NELL1: variants seen among roughly 807,000 people sequenced by gnomAD.
NELL1 encodes neural EGFL like 1, also known as protein kinase C-binding protein NELL1.
In NELL1, 76 loss-of-function variants were observed where a neutral mutation model predicts 107.4. That is an observed-to-expected ratio of 0.71 (90% CI 0.59 to 0.86). The LOEUF is 0.86. NELL1 is among the 40% of genes least tolerant of loss of function. NELL1 has a pLI of 0.00. For missense variants in NELL1, 1,024 were observed against 1,005.5 expected, an observed-to-expected ratio of 1.02 and a Z score of -0.25; for synonymous variants, 353 against 341.2, an observed-to-expected ratio of 1.03 and a Z score of -0.38.
At chr11:21,503,987 G>C (rs191275365) in intron 15 of NELL1, 28 of 152,240 alleles carry the variant, frequency 1.8e-4, no homozygotes, top group Admixed American at 1.5e-3. Context: ...TCCAGTGCTA[G>C]ATCCAGGAAC....
intron 15 of NELL1, among the ~76,000 whole-genome samples, chr11:21,463,536 G>A (rs1274799423): frequency 1.3e-5 from 2 of 152,020 alleles, no homozygotes; most frequent in Non-Finnish European, 2.9e-5. Flanking sequence ...AAGGTTCCTT[G>A]TTTCCAAACC....
intron 2 of NELL1, among the ~76,000 whole-genome samples, chr11:20,724,223 C>G (rs1440331313): frequency 6.6e-6 from 1 of 152,260 alleles, no homozygotes; most frequent in South Asian, 2.1e-4. Context: ...AGTTAACATT[C>G]AGCTCCTTGT....
chr11:21,411,773 T>C (rs575978007), intron 15 of NELL1, among the ~76,000 whole-genome samples: 1 of 152,110 alleles, frequency 6.6e-6, no homozygotes, highest in East Asian at 1.9e-4. Flanking sequence ...GTGAGGTGAA[T>C]GATTCAGTAG....
At chr11:20,770,407 G>A (rs1026315304) in intron 2 of NELL1, among the ~76,000 whole-genome samples, 1 of 152,156 alleles carries the variant, frequency 6.6e-6, no homozygotes, top group African/African-American at 2.4e-5. Context: ...CCCTTTTCTG[G>A]ACAGATGCAC....
At chr11:20,686,469 C>T (rs182529334) in intron 2 of NELL1, among the ~76,000 whole-genome samples, 5 of 152,168 alleles carry the variant, frequency 3.3e-5, no homozygotes, top group East Asian at 1.9e-4. Context: ...AAGAATGATT[C>T]GTGAATCAGG....
At position 21,529,179 on chromosome 11, in the gene NELL1, T is replaced by C. The variant is rs561370561; in HGVS notation, c.1646-5195T>C. Among the ~76,000 whole-genome samples, 6 of 152,300 alleles carry C rather than the reference T, an allele frequency of 3.9e-5. No individual in the cohort carries two copies. The South Asian group carries it at 1.2e-3, about 32-fold the overall frequency. On this transcript the variant is annotated intron_variant, in intron 15 of 19. Coordinates refer to ENST00000357134, the MANE Select transcript of NELL1 (RefSeq NM_006157.5). ...CAGGAAGCCAGGCAGAAAAATGTTG[T>C]ACTATTTTCAATACGTGATTTCCAA...
At chr11:20,816,687 G>A (rs1005191420) in intron 3 of NELL1, among the ~76,000 whole-genome samples, 4 of 152,164 alleles carry the variant, frequency 2.6e-5, no homozygotes, top group Non-Finnish European at 5.9e-5. Flanking sequence ...TTGAATAGGA[G>A]TGGTAAGCAT....
chr11:21,004,372 ATAAAG>A (rs1852286344), intron 12 of NELL1, among the ~76,000 whole-genome samples: 1 of 152,134 alleles, frequency 6.6e-6, no homozygotes. Context: ...ATTTTAAATT[ATAAAG>A]TATTTTTGTT....
At chr11:21,482,283 C>T (rs925047442) in intron 15 of NELL1, among the ~76,000 whole-genome samples, 7 of 152,142 alleles carry the variant, frequency 4.6e-5, no homozygotes, top group African/African-American at 1.7e-4. Flanking sequence ...ACAGACCCCA[C>T]GCTTTTATGT....
chr11:20,994,922 T>C (rs1374556107), intron 12 of NELL1, among the ~76,000 whole-genome samples: 4 of 152,210 alleles, frequency 2.6e-5, no homozygotes, highest in African/African-American at 9.6e-5. Context: ...CAATCAGGTC[T>C]TGTTTTAACA....
chr11:21,200,965 C>T (rs1030219903), intron 13 of NELL1, among the ~76,000 whole-genome samples: 1 of 152,010 alleles, frequency 6.6e-6, no homozygotes, highest in Non-Finnish European at 1.5e-5. Context: ...ATTTCTGAGG[C>T]CTCTGTTCTG....
intron 13 of NELL1, among the ~76,000 whole-genome samples, chr11:21,205,243 G>C (rs1213463826): frequency 6.6e-6 from 1 of 152,186 alleles, no homozygotes; most frequent in Non-Finnish European, 1.5e-5. Context: ...CTCTGTCCCA[G>C]GGAGATGGGG....
chr11:21,351,373 A>G (rs1226234701), intron 14 of NELL1, among the ~76,000 whole-genome samples: 1 of 152,066 alleles, frequency 6.6e-6, no homozygotes, highest in Non-Finnish European at 1.5e-5. Flanking sequence ...GGGACTGGAG[A>G]TGGTCATCAG....
At chr11:21,232,159 A>ATATATATATATATATATATAT (rs1270859097) in intron 14 of NELL1, among the ~76,000 whole-genome samples, 4 of 73,200 alleles carry the variant, frequency 5.5e-5, no homozygotes, top group African/African-American at 1.5e-4. Flanking sequence ...AAAAAAAAAA[A>ATATATATATATATATATATAT]ATATATATAT....
intron 13 of NELL1, among the ~76,000 whole-genome samples, chr11:21,123,997 C>T (rs1855431182): frequency 6.6e-6 from 1 of 152,220 alleles, no homozygotes; most frequent in African/African-American, 2.4e-5. Context: ...TATGCACATA[C>T]ACATGCAAGC....
chr11:21,300,067 G>A (rs758537201), intron 14 of NELL1, among the ~76,000 whole-genome samples: 3 of 151,900 alleles, frequency 2.0e-5, no homozygotes, highest in Non-Finnish European at 2.9e-5. Context: ...CAAATTCTAA[G>A]TGCTAGGAAG....
chr11:21,260,105 A>G (rs1002211149), intron 14 of NELL1: 2 of 151,934 alleles, frequency 1.3e-5, no homozygotes, highest in Non-Finnish European at 2.9e-5. Flanking sequence ...TTATATTTGC[A>G]TGTTAAAATA....
intron 2 of NELL1, among the ~76,000 whole-genome samples, chr11:20,697,642 G>C (rs941348410): frequency 2.6e-5 from 4 of 152,012 alleles, no homozygotes; most frequent in African/African-American, 7.2e-5. Context: ...CCTCAACTAC[G>C]TTACAGTTCA....
intron 5 of NELL1, 109 bp downstream of exon 5, chr11:20,885,649 A>G (rs1013088077): frequency 2.0e-5 from 14 of 700,404 alleles, no homozygotes; most frequent in Non-Finnish European, 3.1e-5. Flanking sequence ...AGGGCATGGC[A>G]TAATAGCTAC....
Sources: allele counts gnomAD v4.1 joint callset (sites outside exome capture counted in the v4.1 genomes callset), GRCh38; gene constraint gnomAD v4.1.1; transcripts MANE v1.5; gene names NCBI Gene and HGNC (gene_info 2026-07-23, HGNC 2026-07-21).